Variants in ADTRP observed in about 807,000 individuals in gnomAD.
ADTRP encodes the protein androgen dependent TFPI regulating protein.
Under a neutral mutation model 27.0 loss-of-function variants are expected in ADTRP, and 20 were observed. The observed-to-expected ratio is 0.74, with a 90% CI of 0.52 to 1.08. The LOEUF is 1.08. Among genes scored for constraint, ADTRP ranks in the 50% least tolerant of loss-of-function variants. The probability of loss-of-function intolerance (pLI) is 0.00; values close to 1 mark genes in which losing one functional copy is unlikely to be tolerated. For missense variants in ADTRP, 251 were observed against 275.0 expected (o/e 0.91, Z 0.62); for synonymous variants, 101 against 105.2 (o/e 0.96, Z 0.25).
chr6:11,767,206 T>C (rs749536857), intron 2 of ADTRP, among the ~76,000 whole-genome samples: 65 of 152,162 alleles, frequency 4.3e-4, no homozygotes, highest in Non-Finnish European at 8.7e-4. Context: ...ACCATGTCTC[T>C]ACCAAAAATA....
intron 3 of ADTRP, among the ~76,000 whole-genome samples, chr6:11,740,659 T>C (rs184439751): frequency 8.5e-5 from 13 of 152,300 alleles, no homozygotes; most frequent in Admixed American, 2.0e-4. Flanking sequence ...TACCATCCAT[T>C]TGCCAGCTAA....
At position 11,714,529 on chromosome 6, in the gene ADTRP, A is replaced by C; in HGVS notation, c.659-17T>G. 6.2e-7 allele frequency: 1 copy of C among 1,611,438 alleles called. No homozygotes were observed. Among genetic ancestry groups the C allele is most frequent in the Non-Finnish European group, 8.5e-7 (1 of 1,179,226 alleles). On this transcript the variant is annotated splice_polypyrimidine_tract_variant and intron_variant, in intron 5 of 5. Transcript: ENST00000414691. The stretch of plus-strand genomic sequence containing the variant: ...TCATGTCACCTGTACAAACAAGAAC[A>C]GAGACAGACCTCAGGCTTCAGGCTT...
At chr6:11,751,646 A>G (rs1763059839) in intron 3 of ADTRP, among the ~76,000 whole-genome samples, 2 of 152,158 alleles carry the variant, frequency 1.3e-5, no homozygotes, top group Admixed American at 1.3e-4. Flanking sequence ...TACATGTTGG[A>G]CAAATTCTTT....
Position 11,714,377 on chromosome 6 carries a change from CTATGT to C in ADTRP, c.*96_*100del. 1 of 1,363,998 alleles carries C rather than the reference CTATGT, an allele frequency of 7.3e-7. No homozygotes were observed. Among genetic ancestry groups the C allele is most frequent in the African/African-American group, 1.5e-5 (1 of 66,504 alleles). 84.5% of individuals were successfully genotyped at this position (1,363,998 alleles called of 1,614,324 possible). On this transcript the variant is annotated 3_prime_UTR_variant, in exon 6 of 6. Transcript: ENST00000414691. ...ATCACTCTCTGTCCCTCCTACTTTG[CTATGT>C]TCCTCCACCACCTCCCTCCACCAGA...
At chr6:11,764,578 C>T (rs759480646) in intron 3 of ADTRP, among the ~76,000 whole-genome samples, 1 of 150,062 alleles carries the variant, frequency 6.7e-6, no homozygotes, top group Admixed American at 6.6e-5. Flanking sequence ...TCACACTTTG[C>T]TGTATTGATC....
In ADTRP at chr6:11,756,383, C is replaced by G. The variant is rs569721078; in HGVS notation, c.390+9891G>C. On this transcript the variant is annotated intron_variant, in intron 3 of 5. Transcript: ENST00000414691. ...TTTAATGGTACAAGGGATGGGGAAT[C>G]ACAGTTTGGTGACTTGATGTGAAAC... 2.0e-5 allele frequency among the ~76,000 whole-genome samples: 3 copies of G among 152,160 alleles called. No homozygotes were observed. In the East Asian group the frequency reaches 5.8e-4, roughly 29 times the overall value.
At chr6:11,759,734 A>T (rs1191192181) in intron 3 of ADTRP, among the ~76,000 whole-genome samples, 1 of 152,182 alleles carries the variant, frequency 6.6e-6, no homozygotes, top group African/African-American at 2.4e-5. Context: ...TTGCATGACA[A>T]AGGAGACATT....
At chr6:11,773,937 C>T (rs1763866594) in intron 1 of ADTRP, among the ~76,000 whole-genome samples, 1 of 152,182 alleles carries the variant, frequency 6.6e-6, no homozygotes, top group African/African-American at 2.4e-5. Flanking sequence ...TTCTCTCAGT[C>T]CTTACCCTTT....
intron 4 of ADTRP, among the ~76,000 whole-genome samples, chr6:11,734,495 A>C (rs1431492020): frequency 1.3e-5 from 2 of 152,220 alleles, no homozygotes; most frequent in East Asian, 3.8e-4. Flanking sequence ...TTTATTGAGC[A>C]AGTGCTTTCT....
At chr6:11,738,546 T>G (rs1044384845) in intron 3 of ADTRP, 2 of 152,368 alleles carry the variant, frequency 1.3e-5, no homozygotes, top group East Asian at 1.9e-4. Context: ...TGGCCATTGA[T>G]CTGATGAATT....
At chr6:11,774,851 G>A (rs1763901980) in intron 1 of ADTRP, among the ~76,000 whole-genome samples, 1 of 152,220 alleles carries the variant, frequency 6.6e-6, no homozygotes, top group Non-Finnish European at 1.5e-5. Flanking sequence ...GGATGGAAAT[G>A]GGGTGGACAG....
intron 3 of ADTRP, among the ~76,000 whole-genome samples, chr6:11,743,384 C>CCTGTGCCCACCCTCTAATTA (rs1464477337): frequency 6.6e-6 from 1 of 152,176 alleles, no homozygotes; most frequent in Admixed American, 6.5e-5. Context: ...TATCTTTCTT[C>CCTGTGCCCACCCTCTAATTA]CTGTGCCCAC....
At chr6:11,764,894 TAAA>T (rs34204085) in intron 3 of ADTRP, among the ~76,000 whole-genome samples, 47,294 of 121,794 alleles carry the variant, frequency 0.39, 8,985 homozygotes, top group Admixed American at 0.44. Flanking sequence ...TACCATTTCT[TAAA>T]AAAAAAAAAA....
At chr6:11,772,599 C>T (rs1384532983) in intron 1 of ADTRP, among the ~76,000 whole-genome samples, 3 of 152,198 alleles carry the variant, frequency 2.0e-5, no homozygotes, top group Non-Finnish European at 4.4e-5. Flanking sequence ...TAATCCAACA[C>T]CTAACTCAGG....
intron 3 of ADTRP, among the ~76,000 whole-genome samples, chr6:11,750,825 T>C (rs1763021766): frequency 6.6e-6 from 1 of 152,178 alleles, no homozygotes; most frequent in Admixed American, 6.5e-5. Context: ...CTGCACATGA[T>C]CCTCCCCAAT....
intron 5 of ADTRP, among the ~76,000 whole-genome samples, chr6:11,715,725 G>T (rs542526810): frequency 7.0e-6 from 1 of 143,730 alleles, no homozygotes; most frequent in African/African-American, 2.6e-5. Context: ...AGCTCACTGC[G>T]GCCTTGAGCT....
intron 3 of ADTRP, among the ~76,000 whole-genome samples, chr6:11,746,704 G>T (rs762146768): frequency 1.3e-5 from 2 of 152,240 alleles, no homozygotes; most frequent in Non-Finnish European, 2.9e-5. Context: ...GTCCAATGTT[G>T]TGGAGTGGTA....
intron 3 of ADTRP, among the ~76,000 whole-genome samples, chr6:11,752,601 T>C (rs1414620675): frequency 6.6e-6 from 1 of 152,206 alleles, no homozygotes; most frequent in Non-Finnish European, 1.5e-5. Context: ...GTGTCAAAAG[T>C]CTTCATGAAC....
intron 1 of ADTRP, among the ~76,000 whole-genome samples, chr6:11,771,165 C>A (rs1269461905): frequency 6.6e-6 from 1 of 152,222 alleles, no homozygotes; most frequent in African/African-American, 2.4e-5. Flanking sequence ...TAAAAACTTG[C>A]TTTACACCTC....
Sources: gnomAD v4.1 joint callset for allele counts (sites outside exome capture counted in the v4.1 genomes callset) on GRCh38, gnomAD v4.1.1 for gene constraint, MANE v1.5 for transcripts, NCBI Gene and HGNC (gene_info 2026-07-23, HGNC 2026-07-21) for gene names.